RNGTT: variants seen among roughly 807,000 people sequenced by gnomAD.
RNGTT encodes mRNA-capping enzyme.
Under a neutral mutation model 79.3 loss-of-function variants are expected in RNGTT, and 33 were observed. The observed-to-expected ratio is 0.42, with a 90% CI of 0.32 to 0.56. The LOEUF is 0.56. RNGTT is among the 20% of genes least tolerant of loss of function. RNGTT has a pLI of 0.17. For missense variants in RNGTT, 497 were observed against 739.1 expected, an observed-to-expected ratio of 0.67 and a Z score of 3.80; for synonymous variants, 222 against 235.9, an observed-to-expected ratio of 0.94 and a Z score of 0.54.
rs1417348454 is a variant in RNGTT at position 88,948,852 on chromosome 6, C to T, written c.65-7672G>A. On this transcript the variant is annotated intron_variant, in intron 1 of 15. Transcript: ENST00000369485. ...CTCTGAAACATGTGCTGTGTCCACT[C>T]AGGGTTAAATGGATTAAGGGCGGTG... Among the ~76,000 whole-genome samples, 3 of 92,194 alleles carry T rather than the reference C, an allele frequency of 3.3e-5. No homozygotes were observed. The Admixed American group carries it at 3.6e-4, about 11-fold the overall frequency. The allele number at this position is 92,194 out of a possible 152,430, so 60.5% of individuals were successfully genotyped here.
intron 12 of RNGTT, among the ~76,000 whole-genome samples, chr6:88,796,715 A>G (rs1177893325): frequency 6.6e-6 from 1 of 152,196 alleles, no homozygotes; most frequent in Non-Finnish European, 1.5e-5. Flanking sequence ...ACCTTAGAAG[A>G]CAAGTATAAA....
intron 14 of RNGTT, among the ~76,000 whole-genome samples, chr6:88,660,549 T>TTAAAAAAAAAA (rs1554202303): frequency 6.9e-6 from 1 of 144,222 alleles, no homozygotes; most frequent in Non-Finnish European, 1.5e-5. Flanking sequence ...GCAACAATGG[T>TTAAAAAAAAAA]AAAAAAAAAG....
chr6:88,629,344 G>A (rs1249317361), intron 14 of RNGTT, among the ~76,000 whole-genome samples: 2 of 152,054 alleles, frequency 1.3e-5, no homozygotes, highest in African/African-American at 4.8e-5. Context: ...GATGCAGGGG[G>A]AAAAAAGATG....
chr6:88,823,446 G>A (rs79065769), intron 11 of RNGTT, among the ~76,000 whole-genome samples: 33 of 147,678 alleles, frequency 2.2e-4, no homozygotes, highest in Non-Finnish European at 2.5e-4. Flanking sequence ...AAGGAAAAAA[G>A]AAAAAAAAAA....
chr6:88,796,879 T>C (rs1002071315), intron 12 of RNGTT, among the ~76,000 whole-genome samples: 6 of 152,164 alleles, frequency 3.9e-5, no homozygotes, highest in Non-Finnish European at 8.8e-5. Flanking sequence ...TTTTTAAAAA[T>C]ACAAAATTGA....
At chr6:88,753,956 C>A (rs919815061) in intron 13 of RNGTT, among the ~76,000 whole-genome samples, 1 of 152,002 alleles carries the variant, frequency 6.6e-6, no homozygotes, top group Non-Finnish European at 1.5e-5. Context: ...TGGCATTAGA[C>A]CATAAAGAAA....
chr6:88,687,752 C>A (rs1046913766), intron 13 of RNGTT, among the ~76,000 whole-genome samples: 4 of 151,930 alleles, frequency 2.6e-5, no homozygotes, highest in Non-Finnish European at 4.4e-5. Context: ...TTTCTTTGTA[C>A]AAAGGAATTA....
intron 13 of RNGTT, among the ~76,000 whole-genome samples, chr6:88,699,201 T>G (rs1379039256): frequency 6.6e-6 from 1 of 152,160 alleles, no homozygotes; most frequent in Non-Finnish European, 1.5e-5. Context: ...TGAAAAGTAG[T>G]CATATAATAC....
intron 1 of RNGTT, among the ~76,000 whole-genome samples, chr6:88,952,859 G>A (rs991044223): frequency 2.0e-5 from 3 of 152,134 alleles, no homozygotes; most frequent in African/African-American, 7.2e-5. Flanking sequence ...AACCAGAAGA[G>A]CAATAACAAT....
chr6:88,954,681 A>G (rs114226441), intron 1 of RNGTT, among the ~76,000 whole-genome samples: 3,337 of 151,768 alleles, frequency 0.022, 122 homozygotes, highest in African/African-American at 0.077. Context: ...TTGAAATTCT[A>G]TCTAGTATCC....
chr6:88,654,123 C>T (rs964760598), intron 14 of RNGTT, among the ~76,000 whole-genome samples: 4 of 152,182 alleles, frequency 2.6e-5, no homozygotes, highest in Admixed American at 6.5e-5. Context: ...CAGCAGTAAT[C>T]CCAAAATGCT....
intron 13 of RNGTT, among the ~76,000 whole-genome samples, chr6:88,700,502 T>C (rs1343233032): frequency 6.6e-6 from 1 of 152,122 alleles, no homozygotes; most frequent in East Asian, 1.9e-4. Context: ...GGATCTGTAA[T>C]CTCTTATTTT....
chr6:88,727,427 A>C (rs965939784), intron 13 of RNGTT, among the ~76,000 whole-genome samples: 4 of 152,230 alleles, frequency 2.6e-5, no homozygotes, highest in African/African-American at 9.6e-5. Context: ...TGTATCATCC[A>C]GTTTTTCTGT....
At chr6:88,881,310 G>A (rs753048627) in intron 8 of RNGTT, among the ~76,000 whole-genome samples, 10 of 152,088 alleles carry the variant, frequency 6.6e-5, no homozygotes, top group Non-Finnish European at 1.5e-4. Context: ...GTGGGGGCAG[G>A]GGGCAGAGGG....
intron 8 of RNGTT, among the ~76,000 whole-genome samples, chr6:88,854,736 T>C (rs1404768071): frequency 1.3e-5 from 2 of 151,084 alleles, no homozygotes; most frequent in Admixed American, 6.6e-5. Flanking sequence ...TCAATCAACA[T>C]ATGGGGGAAT....
intron 4 of RNGTT, among the ~76,000 whole-genome samples, chr6:88,925,462 G>A (rs886800778): frequency 4.0e-5 from 6 of 151,830 alleles, no homozygotes; most frequent in South Asian, 2.1e-4. Context: ...GTGGTGGTGC[G>A]CACGCCTATG....
rs1241521654 is a variant in RNGTT, at chr6:88,844,493, T to C, written c.1133A>G (p.Asn378Ser). The C allele has an allele frequency of 6.2e-7, 1 of 1,611,112 alleles. No homozygotes were observed. Among genetic ancestry groups the C allele is most frequent in the Non-Finnish European group, 8.5e-7 (1 of 1,179,284 alleles). Reference protein sequence around the residue: ...NSQPVGDCDFNVRLQCIEREI... With the variant: ...NSQPVGDCDFSVRLQCIEREI... Reference sequence around the variant, plus strand: ...TCGTTCTATACACTGCAGACGAACATTAAAATCACAATCTCCAACGGGCTG... The same window carrying C: ...TCGTTCTATACACTGCAGACGAACACTAAAATCACAATCTCCAACGGGCTG... The change falls in exon 11 of 16, where the codon AAT (asparagine) becomes AGT (serine). Residue 378 changes from asparagine (N) to serine (S), a missense_variant. Physicochemically the swap from Asn to Ser is conservative, Grantham distance 46. Around this residue, in one of 3 missense-constraint regions of RNGTT, gnomAD observed 440 missense variants for 671.5 expected, o/e 0.66. Transcript: ENST00000369485.
intron 2 of RNGTT, among the ~76,000 whole-genome samples, chr6:88,930,791 G>A (rs966744648): frequency 1.9e-4 from 29 of 152,122 alleles, no homozygotes; most frequent in African/African-American, 7.0e-4. Flanking sequence ...TAAGGAGTCT[G>A]GAGAAGATGG....
At chr6:88,818,937 A>G (rs1780414422) in intron 11 of RNGTT, among the ~76,000 whole-genome samples, 1 of 152,222 alleles carries the variant, frequency 6.6e-6, no homozygotes, top group Admixed American at 6.5e-5. Context: ...GACTTCTGTT[A>G]AACATATTTG....
Sources: gnomAD v4.1 joint callset for allele counts (sites outside exome capture counted in the v4.1 genomes callset) on GRCh38, gnomAD v4.1.1 for gene constraint, gnomAD v4.1.1 regional missense constraint, MANE v1.5 for transcripts, NCBI Gene and HGNC (gene_info 2026-07-23, HGNC 2026-07-21) for gene names.